PRKCB: variants seen among roughly 807,000 people sequenced by gnomAD.
The protein encoded by PRKCB is protein kinase C beta type.
In PRKCB, 13 loss-of-function variants were observed where a neutral mutation model predicts 81.5. The observed-to-expected ratio is 0.16, with a 90% CI of 0.10 to 0.25. PRKCB has a LOEUF of 0.25. PRKCB is among the 10% of genes least tolerant of loss of function. The pLI is 1.00. For synonymous variants in PRKCB, 335 were observed against 321.4 expected, an observed-to-expected ratio of 1.04 and a Z score of -0.45; for missense variants, 509 against 875.7, an observed-to-expected ratio of 0.58 and a Z score of 5.29.
chr16:24,042,969 T>G (rs949980185), intron 5 of PRKCB, among the ~76,000 whole-genome samples: 1 of 152,134 alleles, frequency 6.6e-6, no homozygotes, highest in Non-Finnish European at 1.5e-5. Flanking sequence ...ACTCCATGGT[T>G]CAAGCAATCC....
At chr16:23,934,021 TCATCCATCCATCCATC>T (rs67394616) in intron 2 of PRKCB, among the ~76,000 whole-genome samples, 1 of 142,378 alleles carries the variant, frequency 7.0e-6, no homozygotes, top group African/African-American at 2.7e-5. Flanking sequence ...TTCTACCCAC[TCATCCATCCATCCATC>T]CATCCATCCA....
intron 5 of PRKCB, among the ~76,000 whole-genome samples, chr16:24,072,788 G>A (rs560824274): frequency 2.6e-4 from 39 of 151,938 alleles, no homozygotes; most frequent in Non-Finnish European, 4.6e-4. Flanking sequence ...CACCATGTTG[G>A]CCAGGCTGAT....
At chr16:24,095,700 A>C (rs8055018) in intron 7 of PRKCB, among the ~76,000 whole-genome samples, 24,873 of 151,646 alleles carry the variant, frequency 0.16, 3,181 homozygotes, top group African/African-American at 0.36. Context: ...GGGCTGTCAT[A>C]ATTTAAAATA....
At chr16:24,168,214 A>G (rs1967377072) in intron 10 of PRKCB, among the ~76,000 whole-genome samples, 1 of 152,208 alleles carries the variant, frequency 6.6e-6, no homozygotes, top group South Asian at 2.1e-4. Flanking sequence ...TGTCCCATCT[A>G]CAGGTGAAGA....
chr16:24,072,782 A>G (rs893332015), intron 5 of PRKCB, among the ~76,000 whole-genome samples: 5 of 152,028 alleles, frequency 3.3e-5, no homozygotes, highest in African/African-American at 1.2e-4. Flanking sequence ...GGGTTTCACC[A>G]TGTTGGCCAG....
intron 2 of PRKCB, among the ~76,000 whole-genome samples, chr16:23,923,536 G>A (rs1367870023): frequency 6.6e-6 from 1 of 152,120 alleles, no homozygotes. Context: ...TGGACCAAGA[G>A]TGGGAAAGGA....
At chr16:24,177,007 C>G (rs1030399717) in intron 12 of PRKCB, among the ~76,000 whole-genome samples, 7 of 151,984 alleles carry the variant, frequency 4.6e-5, no homozygotes, top group Non-Finnish European at 8.8e-5. Flanking sequence ...GGTGATTTTT[C>G]ACTCTACATG....
rs146156236 is a variant in PRKCB at position 24,158,759 on chromosome 16, A to G, written c.1239+3902A>G. Among the ~76,000 whole-genome samples, 284 of 152,170 alleles carry G rather than the reference A, an allele frequency of 1.9e-3. 1 individual carries two copies. Among genetic ancestry groups the G allele is most frequent in the African/African-American group, 6.6e-3 (273 of 41,512 alleles). On this transcript the variant is annotated intron_variant, in intron 10 of 16. Transcript: ENST00000643927. Reference sequence around the variant, plus strand: ...CTGCAGCCTTGGGCTCCTGGGCTCAATAGATCCTCCTGCCTCGGCCTCCCT... The same window carrying G: ...CTGCAGCCTTGGGCTCCTGGGCTCAGTAGATCCTCCTGCCTCGGCCTCCCT...
At chr16:24,034,190 G>A (rs1965584134) in intron 4 of PRKCB, among the ~76,000 whole-genome samples, 1 of 152,222 alleles carries the variant, frequency 6.6e-6, no homozygotes, top group African/African-American at 2.4e-5. Context: ...CTGCCTCAGA[G>A]ACAGTGGTGG....
At chr16:24,137,200 T>A (rs1380255024) in intron 9 of PRKCB, among the ~76,000 whole-genome samples, 2 of 151,960 alleles carry the variant, frequency 1.3e-5, no homozygotes, top group Non-Finnish European at 2.9e-5. Context: ...TTTATTTTAA[T>A]TTTTTAGAGA....
At chr16:23,946,007 A>G (rs934312040) in intron 2 of PRKCB, among the ~76,000 whole-genome samples, 15 of 152,242 alleles carry the variant, frequency 9.9e-5, no homozygotes, top group Non-Finnish European at 2.1e-4. Context: ...CTTCATGTAT[A>G]TGACATACAT....
At chr16:23,994,480 C>G (rs1240325826) in intron 3 of PRKCB, among the ~76,000 whole-genome samples, 1 of 152,194 alleles carries the variant, frequency 6.6e-6, no homozygotes, top group Non-Finnish European at 1.5e-5. Context: ...AAACAGCCAA[C>G]CAAGAGCAAT....
At chr16:24,028,386 G>A (rs762528838) in intron 3 of PRKCB, among the ~76,000 whole-genome samples, 2 of 152,224 alleles carry the variant, frequency 1.3e-5, no homozygotes, top group Non-Finnish European at 1.5e-5. Flanking sequence ...ACTGCTCCAG[G>A]CCACAAATTC....
chr16:23,941,110 A>G (rs1964135893), intron 2 of PRKCB, among the ~76,000 whole-genome samples: 1 of 152,208 alleles, frequency 6.6e-6, no homozygotes, highest in Non-Finnish European at 1.5e-5. Flanking sequence ...TAGATAGTAA[A>G]TATTTTAGGT....
intron 5 of PRKCB, among the ~76,000 whole-genome samples, chr16:24,048,046 G>A (rs918901887): frequency 6.6e-6 from 1 of 152,222 alleles, no homozygotes; most frequent in South Asian, 2.1e-4. Flanking sequence ...CCATCGTGGG[G>A]CACAAAAGCC....
At chr16:24,008,877 C>T (rs1965163694) in intron 3 of PRKCB, among the ~76,000 whole-genome samples, 1 of 152,068 alleles carries the variant, frequency 6.6e-6, no homozygotes, top group South Asian at 2.1e-4. Flanking sequence ...CAGGCTGTAG[C>T]CACCACCCTT....
chr16:24,070,878 C>T (rs995303402), intron 5 of PRKCB, among the ~76,000 whole-genome samples: 4 of 152,316 alleles, frequency 2.6e-5, no homozygotes, highest in Middle Eastern at 3.4e-3. Flanking sequence ...GTACATATCT[C>T]TCTAAAGTAT....
chr16:24,160,718 A>G (rs1285744304), intron 10 of PRKCB, among the ~76,000 whole-genome samples: 2 of 152,198 alleles, frequency 1.3e-5, no homozygotes, highest in African/African-American at 2.4e-5. Flanking sequence ...AATGACACAA[A>G]GTAAAGAGGA....
At chr16:23,988,674 G>A (rs1964833275) in intron 3 of PRKCB, 84 bp downstream of exon 3, 1 of 1,258,138 alleles carries the variant, frequency 7.9e-7, no homozygotes, top group Non-Finnish European at 1.2e-6. Context: ...TCTTAGACGA[G>A]TAAGTGTGGA....
Sources: gnomAD v4.1 joint callset for allele counts (sites outside exome capture counted in the v4.1 genomes callset) on GRCh38, gnomAD v4.1.1 for gene constraint, MANE v1.5 for transcripts, NCBI Gene and HGNC (gene_info 2026-07-23, HGNC 2026-07-21) for gene names.